The following RASAL2 variants were observed in gnomAD, a reference collection of about 807,000 sequenced individuals.
The protein encoded by RASAL2 is ras GTPase-activating protein nGAP.
Under a neutral mutation model 128.9 loss-of-function variants are expected in RASAL2, and 58 were observed. That is an observed-to-expected ratio of 0.45 (90% CI 0.36 to 0.56). The LOEUF is 0.56. Among genes scored for constraint, RASAL2 ranks in the 20% least tolerant of loss-of-function variants. The pLI, the probability that RASAL2 is intolerant of heterozygous loss-of-function variation, is 0.00. For synonymous variants in RASAL2, 561 were observed against 580.8 expected (o/e 0.97, Z 0.49); for missense variants, 1,360 against 1,601.6 (o/e 0.85, Z 2.57).
At chr1:178,391,402 A>C (rs1411190196) in intron 4 of RASAL2, among the ~76,000 whole-genome samples, 1 of 152,218 alleles carries the variant, frequency 6.6e-6, no homozygotes, top group Non-Finnish European at 1.5e-5. Context: ...TTATCCAGAA[A>C]AGTGGTTTGT....
intron 1 of RASAL2, among the ~76,000 whole-genome samples, chr1:178,099,541 C>G (rs2102216735): frequency 6.6e-6 from 1 of 152,300 alleles, no homozygotes; most frequent in East Asian, 1.9e-4. Flanking sequence ...TACCCTCTAT[C>G]ATGTTGGTTC....
At chr1:178,331,019 A>G (rs1446533528) in intron 3 of RASAL2, among the ~76,000 whole-genome samples, 1 of 152,206 alleles carries the variant, frequency 6.6e-6, no homozygotes, top group African/African-American at 2.4e-5. Context: ...GTTTGCCAGC[A>G]ATTAATGAAA....
At chr1:178,353,833 G>A (rs1386831086) in intron 3 of RASAL2, among the ~76,000 whole-genome samples, 1 of 152,104 alleles carries the variant, frequency 6.6e-6, no homozygotes, top group Non-Finnish European at 1.5e-5. Context: ...CAAGGGTGTG[G>A]TGGCTCATGC....
intron 1 of RASAL2, among the ~76,000 whole-genome samples, chr1:178,220,157 G>T (rs1397329605): frequency 6.6e-6 from 1 of 152,274 alleles, no homozygotes; most frequent in South Asian, 2.1e-4. Context: ...TGCCATGCCT[G>T]TATAGGCTGC....
At chr1:178,465,839 AG>A in intron 15 of RASAL2, 80 bp from the exon 16 acceptor site, 1 of 1,102,656 alleles carries the variant, frequency 9.1e-7, no homozygotes, top group Non-Finnish European at 1.2e-6. Context: ...AAAGAAAGAA[AG>A]AGAAAGAAAG....
At chr1:178,216,474 G>C (rs1192099562) in intron 1 of RASAL2, among the ~76,000 whole-genome samples, 1 of 152,130 alleles carries the variant, frequency 6.6e-6, no homozygotes, top group Non-Finnish European at 1.5e-5. Flanking sequence ...CAATTATTTG[G>C]ATTTACTATT....
intron 17 of RASAL2, among the ~76,000 whole-genome samples, chr1:178,469,181 C>T: frequency 6.6e-6 from 1 of 152,070 alleles, no homozygotes; most frequent in East Asian, 1.9e-4. Context: ...CCTGTAGTCC[C>T]AGCTGCTTGG....
chr1:178,129,715 A>T (rs970118757), intron 1 of RASAL2, among the ~76,000 whole-genome samples: 10 of 152,032 alleles, frequency 6.6e-5, no homozygotes, highest in African/African-American at 2.2e-4. Context: ...TAGTTTTAAA[A>T]TTTAGACCCG....
intron 3 of RASAL2, among the ~76,000 whole-genome samples, chr1:178,371,343 C>CAA (rs1186980849): frequency 7.5e-4 from 107 of 142,602 alleles, no homozygotes; most frequent in African/African-American, 3.0e-3. Context: ...CACACACACA[C>CAA]ACACACACAA....
At chr1:178,177,296 T>G (rs1661929711) in intron 1 of RASAL2, among the ~76,000 whole-genome samples, 1 of 152,148 alleles carries the variant, frequency 6.6e-6, no homozygotes, top group Non-Finnish European at 1.5e-5. Context: ...GATCTTGAAT[T>G]GCATCTGATG....
intron 4 of RASAL2, among the ~76,000 whole-genome samples, chr1:178,412,789 T>G (rs778839338): frequency 2.6e-5 from 4 of 152,170 alleles, no homozygotes; most frequent in Admixed American, 6.5e-5. Context: ...GTTTGAGAGA[T>G]AAAAACTGTA....
rs67243509 is a variant in RASAL2 at position 178,311,253 on chromosome 1, A to AACACACACACACACACACACACAC, written c.457+11147_457+11170dup. Among the ~76,000 whole-genome samples the AACACACACACACACACACACACAC allele has an allele frequency of 7.4e-3, 1,060 of 143,628 alleles. 16 individuals are homozygous for AACACACACACACACACACACACAC. The highest frequency in any genetic ancestry group is 0.011 in the Middle Eastern group (3 of 280). The allele number at this position is 143,628 out of a possible 152,430, so 94.2% of individuals were successfully genotyped here. On this transcript the variant is annotated intron_variant, in intron 3 of 17. Coordinates refer to ENST00000367649, the MANE Select transcript of RASAL2 (RefSeq NM_170692.4). ...AAGAAAACAGCCATACACACACACAAACACACACACACACACACACACACA... is the reference window on the plus strand; with the variant it reads ...AAGAAAACAGCCATACACACACACAAACACACACACACACACACACACACACACACACACACACACACACACACA...
At chr1:178,463,819 G>A (rs1647359631) in intron 14 of RASAL2, among the ~76,000 whole-genome samples, 1 of 152,110 alleles carries the variant, frequency 6.6e-6, no homozygotes, top group Non-Finnish European at 1.5e-5. Flanking sequence ...GCACTAATCA[G>A]TTTTTTGGTT....
At chr1:178,383,349 G>A (rs780636478) in intron 3 of RASAL2, among the ~76,000 whole-genome samples, 4 of 152,278 alleles carry the variant, frequency 2.6e-5, no homozygotes, top group Admixed American at 6.5e-5. Flanking sequence ...ACAGTGCATA[G>A]GCTTTAAGGC....
chr1:178,400,765 A>T (rs969953044), intron 4 of RASAL2, among the ~76,000 whole-genome samples: 1 of 152,116 alleles, frequency 6.6e-6, no homozygotes, highest in Non-Finnish European at 1.5e-5. Flanking sequence ...TAATTAATTA[A>T]TTATTTTGAG....
chr1:178,204,924 A>G (rs540507495), intron 1 of RASAL2, among the ~76,000 whole-genome samples: 2 of 152,348 alleles, frequency 1.3e-5, no homozygotes, highest in Non-Finnish European at 2.9e-5. Flanking sequence ...ACTAGGATCT[A>G]CCATATATCC....
chr1:178,217,024 G>A (rs996799297), intron 1 of RASAL2, among the ~76,000 whole-genome samples: 5 of 151,930 alleles, frequency 3.3e-5, no homozygotes, highest in African/African-American at 1.2e-4. Context: ...TGCCCAGGCT[G>A]GAGTGCAATG....
chr1:178,377,409 G>A (rs913973833), intron 3 of RASAL2, among the ~76,000 whole-genome samples: 5 of 150,148 alleles, frequency 3.3e-5, no homozygotes, highest in African/African-American at 1.2e-4. Flanking sequence ...TCCCCAGGAA[G>A]AGGAAAAAGA....
chr1:178,295,734 G>A (rs1240987286), intron 2 of RASAL2, among the ~76,000 whole-genome samples: 21 of 152,150 alleles, frequency 1.4e-4, no homozygotes, highest in Admixed American at 1.4e-3. Context: ...CCTGGGTTAT[G>A]CTGTTGCTGC....
Sources: allele counts gnomAD v4.1 joint callset (sites outside exome capture counted in the v4.1 genomes callset), GRCh38; gene constraint gnomAD v4.1.1; transcripts MANE v1.5; gene names NCBI Gene and HGNC (gene_info 2026-07-23, HGNC 2026-07-21).